SPAG6: variants seen among roughly 807,000 people sequenced by gnomAD.
The protein encoded by SPAG6 is sperm associated antigen 6.
SPAG6 carries 49 observed loss-of-function variants against 58.5 expected under a neutral mutation model. The observed-to-expected ratio is 0.84, with a 90% confidence interval of 0.67 to 1.06. The LOEUF is 1.06. SPAG6 is among the 50% of genes least tolerant of loss of function. The pLI is 0.00. For synonymous variants in SPAG6, 233 were observed against 225.6 expected, an observed-to-expected ratio of 1.03 and a Z score of -0.29; for missense variants, 560 against 611.3, an observed-to-expected ratio of 0.92 and a Z score of 0.89.
intron 4 of SPAG6, among the ~76,000 whole-genome samples, chr10:22,378,846 G>A (rs562136172): frequency 2.0e-5 from 3 of 152,178 alleles, no homozygotes; most frequent in Admixed American, 1.3e-4. Context: ...TCCTGTGAGA[G>A]CTGCCTTCCC....
rs543140931 is a variant in SPAG6 at position 22,366,837 on chromosome 10, T to C, written c.289-1658T>C. Among the ~76,000 whole-genome samples the C allele has an allele frequency of 3.3e-5, 5 of 152,226 alleles. No homozygotes were observed. In the South Asian group the frequency reaches 1.0e-3, roughly 32 times the overall value. On this transcript the variant is annotated intron_variant, in intron 3 of 10. Transcript: ENST00000376624. ...AGAAGTTTTCTAAGTTGAATAAATG[T>C]TAATTAGTTGTAGAGAGACAAAAAA...
intron 2 of SPAG6, among the ~76,000 whole-genome samples, chr10:22,358,439 T>A (rs1410785837): frequency 6.6e-6 from 1 of 152,116 alleles, no homozygotes; most frequent in African/African-American, 2.4e-5. Context: ...GTTGTTTTTT[T>A]CTTGTAAATT....
chr10:22,350,466 T>A (rs1165382055), intron 2 of SPAG6, among the ~76,000 whole-genome samples: 1 of 152,092 alleles, frequency 6.6e-6, no homozygotes, highest in African/African-American at 2.4e-5. Context: ...AAGCTGTAGA[T>A]GAGCCTATAA....
chr10:22,393,993 A>AT (rs1485263545), intron 8 of SPAG6, among the ~76,000 whole-genome samples: 8 of 152,212 alleles, frequency 5.3e-5, no homozygotes, highest in African/African-American at 1.9e-4. Context: ...ATTGGTTTCC[A>AT]TGCAGGAGAA....
chr10:22,355,766 T>C (rs1195203804), intron 2 of SPAG6, among the ~76,000 whole-genome samples: 1 of 152,060 alleles, frequency 6.6e-6, no homozygotes. Context: ...GCAGGAACAA[T>C]GGCCAGAGGT....
At chr10:22,412,683 T>A (rs1588568690) in intron 10 of SPAG6, among the ~76,000 whole-genome samples, 1 of 152,196 alleles carries the variant, frequency 6.6e-6, no homozygotes, top group Admixed American at 6.5e-5. Flanking sequence ...GCTATTCTCC[T>A]GCCTCAGCCT....
At position 22,386,741 on chromosome 10, in the gene SPAG6, C is replaced by A; in HGVS notation, c.473-13C>A. The A allele has an allele frequency of 6.2e-7, 1 of 1,611,288 alleles. No homozygotes were observed. The highest frequency in any genetic ancestry group is 8.5e-7 in the Non-Finnish European group (1 of 1,177,566). The stretch of plus-strand genomic sequence containing the variant: ...CACCCATACTCACTTAATTACTTTT[C>A]TTGGACCCACAGAACTGTCACAAGC... On this transcript the variant is annotated splice_polypyrimidine_tract_variant and intron_variant, in intron 4 of 10. Coordinates refer to ENST00000376624, the MANE Select transcript of SPAG6 (RefSeq NM_012443.4).
chr10:22,384,577 G>T (rs1192908692), intron 4 of SPAG6, among the ~76,000 whole-genome samples: 1 of 152,150 alleles, frequency 6.6e-6, no homozygotes, highest in Non-Finnish European at 1.5e-5. Flanking sequence ...TAAGTAAAAA[G>T]TGTGCTACTC....
At chr10:22,358,393 G>C (rs1195205725) in intron 2 of SPAG6, among the ~76,000 whole-genome samples, 1 of 151,900 alleles carries the variant, frequency 6.6e-6, no homozygotes, top group Non-Finnish European at 1.5e-5. Context: ...CTTTTGAGAA[G>C]TGTCTGTTCA....
chr10:22,368,627 G>A lies in SPAG6; in HGVS notation c.421G>A (p.Val141Ile). Residue 141 changes from valine to isoleucine, a missense_variant, in exon 4 of 11, where the codon GTC (valine) becomes ATC (isoleucine). Coordinates refer to ENST00000376624, the MANE Select transcript of SPAG6 (RefSeq NM_012443.4). The part of the protein sequence containing the change: ...VICLEDFDPG[V>I]KEAAAWALRY... ...ATGCTTGGAAGATTTTGACCCTGGA[G>A]TCAAGGAGGCTGCAGCCTGGGCACT... The A allele has an allele frequency of 6.2e-7, 1 of 1,613,912 alleles. No individual in the cohort carries two copies. Among genetic ancestry groups the A allele is most frequent in the Non-Finnish European group, 8.5e-7 (1 of 1,179,936 alleles).
At chr10:22,353,923 C>A (rs1836796142) in intron 2 of SPAG6, among the ~76,000 whole-genome samples, 3 of 152,000 alleles carry the variant, frequency 2.0e-5, no homozygotes. Flanking sequence ...TGTAAAGGCA[C>A]AAAGACAAGA....
chr10:22,354,743 G>T (rs1836818898), intron 2 of SPAG6, among the ~76,000 whole-genome samples: 1 of 152,132 alleles, frequency 6.6e-6, no homozygotes, highest in Non-Finnish European at 1.5e-5. Flanking sequence ...AGGCACGGTG[G>T]CTCACGCCTG....
intron 2 of SPAG6, 106 bp from the exon 3 acceptor site, chr10:22,364,747 T>C (rs1008185774): frequency 5.7e-5 from 42 of 738,998 alleles, no homozygotes; most frequent in Non-Finnish European, 8.6e-5. Context: ...GTTTTATTTT[T>C]ACTGATTTTT....
At chr10:22,373,181 A>G (rs1833739384) in intron 4 of SPAG6, among the ~76,000 whole-genome samples, 1 of 152,136 alleles carries the variant, frequency 6.6e-6, no homozygotes, top group Non-Finnish European at 1.5e-5. Context: ...TTGCTGCGCC[A>G]GAGATGAGCA....
chr10:22,369,330 C>T (rs1837283004), intron 4 of SPAG6, among the ~76,000 whole-genome samples: 1 of 152,148 alleles, frequency 6.6e-6, no homozygotes, highest in Non-Finnish European at 1.5e-5. Context: ...GTAAAAAGTA[C>T]ATGAGGAACA....
chr10:22,346,935 C>T (rs1388175693), intron 2 of SPAG6, among the ~76,000 whole-genome samples: 1 of 152,164 alleles, frequency 6.6e-6, no homozygotes, highest in East Asian at 1.9e-4. Flanking sequence ...TTCTCAGTTT[C>T]CCCAATGGTA....
chr10:22,411,188 G>T lies in SPAG6; in HGVS notation c.1460+12G>T. 6.3e-7 allele frequency: 1 copy of T among 1,594,508 alleles called. No individual in the cohort carries two copies. Among genetic ancestry groups the T allele is most frequent in the Admixed American group, 1.8e-5 (1 of 56,530 alleles). ...GAGGAAATAGTGAGGTGGGGAAAAT[G>T]GACTTTGAAACGTTCAATATTAGAA... On this transcript the variant is annotated intron_variant, in intron 10 of 10. Transcript: ENST00000376624.
chr10:22,409,802 T>C (rs1345745599), intron 9 of SPAG6, among the ~76,000 whole-genome samples: 1 of 152,168 alleles, frequency 6.6e-6, no homozygotes, highest in African/African-American at 2.4e-5. Context: ...TTGTCTCTCA[T>C]AATAAATTTC....
chr10:22,369,568 C>T (rs1833636699), intron 4 of SPAG6, among the ~76,000 whole-genome samples: 1 of 152,078 alleles, frequency 6.6e-6, no homozygotes, highest in African/African-American at 2.4e-5. Flanking sequence ...TGGCATTAGA[C>T]AGGGTCTGAG....
Sources: gnomAD v4.1 joint callset for allele counts (sites outside exome capture counted in the v4.1 genomes callset) on GRCh38, gnomAD v4.1.1 for gene constraint, MANE v1.5 for transcripts, NCBI Gene and HGNC (gene_info 2026-07-23, HGNC 2026-07-21) for gene names.